The following CCDC73 variants were observed in gnomAD, a reference collection of about 807,000 sequenced individuals.
CCDC73 encodes coiled-coil domain containing 73.
A neutral mutation model predicts 116.5 loss-of-function variants in CCDC73; 95 were observed. That is an observed-to-expected ratio of 0.82 (90% CI 0.69 to 0.97). The LOEUF is 0.97. Among genes scored for constraint, CCDC73 ranks in the 50% least tolerant of loss-of-function variants. CCDC73 has a pLI of 0.00. For synonymous variants in CCDC73, 398 were observed against 401.3 expected, an observed-to-expected ratio of 0.99 and a Z score of 0.10; for missense variants, 1,066 against 1,206.8, an observed-to-expected ratio of 0.88 and a Z score of 1.73.
chr11:32,645,099 T>A (rs917798304), intron 12 of CCDC73, among the ~76,000 whole-genome samples: 1 of 152,056 alleles, frequency 6.6e-6, no homozygotes, highest in Non-Finnish European at 1.5e-5. Flanking sequence ...CACATTAGCC[T>A]AGGCCTACAC....
upstream of CCDC73, among the ~76,000 whole-genome samples, chr11:32,795,994 G>A (rs902937779): frequency 6.6e-5 from 10 of 151,894 alleles, no homozygotes; most frequent in African/African-American, 1.9e-4. Flanking sequence ...CCGGCCCCCC[G>A]CCCTCAAATT....
At chr11:32,777,003 A>ATATATAT (rs1850542377) in intron 1 of CCDC73, among the ~76,000 whole-genome samples, 1 of 140,564 alleles carries the variant, frequency 7.1e-6, no homozygotes, top group Non-Finnish European at 1.5e-5. Flanking sequence ...ATATATATAT[A>ATATATAT]TATATATATA....
chr11:32,812,027 G>A, the CCDC73 span, among the ~76,000 whole-genome samples: 1 of 151,906 alleles, frequency 6.6e-6, no homozygotes, highest in African/African-American at 2.4e-5. Context: ...GAATGGGGGT[G>A]TGAGTGCTCC....
the CCDC73 span, chr11:32,829,823 C>T: frequency 7.1e-6 from 7 of 985,418 alleles, no homozygotes; most frequent in Non-Finnish European, 8.4e-6. Flanking sequence ...AGCGCGGGCT[C>T]CCGGGAGACG....
chr11:32,611,143 G>C lies in CCDC73; in HGVS notation c.3019C>G (p.Pro1007Ala). The C allele has an allele frequency of 6.2e-7, 1 of 1,613,734 alleles. No homozygotes were observed. Among genetic ancestry groups the C allele is most frequent in the Non-Finnish European group, 8.5e-7 (1 of 1,179,824 alleles). Reference sequence around the variant, plus strand: ...TTTAATTGACTTACATGTTCTGTGGGAAAAGAGGAATCATAAAAAGTCTTT... The same window carrying C: ...TTTAATTGACTTACATGTTCTGTGGCAAAAGAGGAATCATAAAAAGTCTTT... ...MAKTFYDSSF[P>A]TEHVKTKPLI... Residue 1007 changes from proline to alanine, a missense_variant, in exon 17 of 18, where the codon CCC becomes GCC. Coordinates refer to ENST00000335185, the MANE Select transcript of CCDC73 (RefSeq NM_001008391.4).
At chr11:32,681,085 T>A (rs1856138837) in intron 7 of CCDC73, 1 of 151,966 alleles carries the variant, frequency 6.6e-6, no homozygotes, top group African/African-American at 2.4e-5. Flanking sequence ...TCTTAATCTA[T>A]CAAAACTTTC....
At chr11:32,746,651 GT>G (rs1850241954) in intron 2 of CCDC73, among the ~76,000 whole-genome samples, 1 of 151,730 alleles carries the variant, frequency 6.6e-6, no homozygotes, top group African/African-American at 2.4e-5. Context: ...CTCTAATCTT[GT>G]TTTCTCACTT....
rs987311020 is a variant in CCDC73 at position 32,767,337 on chromosome 11, C to T, written c.-15-7079G>A. Among the ~76,000 whole-genome samples the T allele has an allele frequency of 1.2e-4, 18 of 152,176 alleles. 1 individual carries two copies. Among genetic ancestry groups the T allele is most frequent in the Non-Finnish European group, 1.6e-4 (11 of 68,036 alleles). On this transcript the variant is annotated intron_variant, in intron 1 of 17. Transcript: ENST00000335185. ...AAATTAATTCAAGATGGATTAAAGA[C>T]GTAAATGTTAGACCTAAAACCATAA...
chr11:32,699,289 C>T lies in CCDC73; in HGVS notation c.352G>A (p.Glu118Lys). The T allele has an allele frequency of 6.3e-7, 1 of 1,579,696 alleles. No homozygotes were observed. Residue 118 changes from glutamate (E) to lysine (K), a missense_variant, in exon 6 of 18, where the codon GAA becomes AAA. Physicochemically the swap from Glu to Lys is moderately conservative, Grantham distance 56. Coordinates refer to ENST00000335185, the MANE Select transcript of CCDC73 (RefSeq NM_001008391.4). ...AATGTTTCCTTCAATCCTTCTATTT[C>T]TTTTTCCTTTATTTCTGTAGCAAGT... Reference protein sequence around the residue: ...YQLATEIKEKEIEGLKETLKA... With the variant: ...YQLATEIKEKKIEGLKETLKA...
At chr11:32,712,899 G>A (rs1849914709) in intron 3 of CCDC73, among the ~76,000 whole-genome samples, 1 of 151,958 alleles carries the variant, frequency 6.6e-6, no homozygotes, top group Admixed American at 6.6e-5. Context: ...ATTGAACAGA[G>A]CACCTACCAA....
At chr11:32,736,067 A>G (rs1381833046) in intron 2 of CCDC73, among the ~76,000 whole-genome samples, 1 of 152,196 alleles carries the variant, frequency 6.6e-6, no homozygotes, top group Admixed American at 6.5e-5. Flanking sequence ...CTAGAAAAAA[A>G]CCTAGGCAAT....
At chr11:32,607,103 T>C (rs1855362465) in intron 17 of CCDC73, among the ~76,000 whole-genome samples, 1 of 66,512 alleles carries the variant, frequency 1.5e-5, no homozygotes, top group South Asian at 4.4e-4. Flanking sequence ...TTTTTTTTTT[T>C]TTTTTTTGAG....
intron 7 of CCDC73, among the ~76,000 whole-genome samples, chr11:32,678,877 C>T (rs896059990): frequency 1.8e-4 from 16 of 90,216 alleles, no homozygotes; most frequent in African/African-American, 6.6e-4. Context: ...AGCAAGGCTC[C>T]GTCACAAAAA....
At chr11:32,752,474 G>A (rs1850294971) in intron 2 of CCDC73, among the ~76,000 whole-genome samples, 1 of 152,044 alleles carries the variant, frequency 6.6e-6, no homozygotes, top group Non-Finnish European at 1.5e-5. Context: ...AGTTTAAACA[G>A]ATAAAACTGA....
upstream of CCDC73, among the ~76,000 whole-genome samples, chr11:32,795,993 C>T (rs932343248): frequency 1.3e-5 from 2 of 151,934 alleles, no homozygotes; most frequent in Non-Finnish European, 2.9e-5. Flanking sequence ...GCCGGCCCCC[C>T]GCCCTCAAAT....
chr11:32,725,840 T>C (rs1438420388), intron 2 of CCDC73, among the ~76,000 whole-genome samples: 2 of 152,238 alleles, frequency 1.3e-5, no homozygotes, highest in South Asian at 4.2e-4. Context: ...GATAGTTCAC[T>C]AGAGGCTGAG....
intron 6 of CCDC73, among the ~76,000 whole-genome samples, chr11:32,690,301 A>T (rs1856243343): frequency 6.6e-6 from 1 of 152,234 alleles, no homozygotes; most frequent in Admixed American, 6.5e-5. Flanking sequence ...ACTGAGAATG[A>T]TTTTTAAAAG....
At chr11:32,620,652 TTC>T (rs949869210) in intron 14 of CCDC73, among the ~76,000 whole-genome samples, 1 of 148,778 alleles carries the variant, frequency 6.7e-6, no homozygotes, top group African/African-American at 2.5e-5. Context: ...ATTGTATCAC[TTC>T]TGTTATATTT....
Position 32,654,032 on chromosome 11 carries a change from C to T in CCDC73, c.780G>A (p.Leu260=). Residue 260 remains leucine, a synonymous_variant, in exon 11 of 18, where the codon TTG becomes TTA. Coordinates refer to ENST00000335185, the MANE Select transcript of CCDC73 (RefSeq NM_001008391.4). ...QELQERLNME[L]ELNEKINEEI... ...CTTCATTAATCTTCTCATTTAATTC[C>T]AATTCCTTTAAAATTTGAATAGTTT... is the stretch of plus-strand genomic sequence containing the variant. The T allele has an allele frequency of 6.3e-7, 1 of 1,588,602 alleles. No homozygotes were observed. The highest frequency in any genetic ancestry group is 1.3e-5 in the African/African-American group (1 of 74,180).
Sources: gnomAD v4.1 joint callset for allele counts (sites outside exome capture counted in the v4.1 genomes callset) on GRCh38, gnomAD v4.1.1 for gene constraint, MANE v1.5 for transcripts, NCBI Gene and HGNC (gene_info 2026-07-23, HGNC 2026-07-21) for gene names.